The following NEXMIF variants were observed in gnomAD, a reference collection of about 807,000 sequenced individuals.
The protein encoded by NEXMIF is neurite extension and migration factor, also known as XLMR protein related to neurite extension.
NEXMIF carries 8 observed loss-of-function variants against 62.1 expected under a neutral mutation model. The observed-to-expected ratio is 0.13, with a 90% CI of 0.08 to 0.23. NEXMIF has a LOEUF of 0.23. NEXMIF is among the 10% of genes least tolerant of loss of function. NEXMIF has a pLI of 1.00. For synonymous variants in NEXMIF, 404 were observed against 416.6 expected (o/e 0.97, Z 0.37); for missense variants, 976 against 1,113.3 (o/e 0.88, Z 1.75).
chrX:74,866,248 T>C (rs1031099383), intron 1 of NEXMIF, among the ~76,000 whole-genome samples: 1 of 111,535 alleles, frequency 9.0e-6, no homozygotes, highest in African/African-American at 3.3e-5. Context: ...GGAGATCACA[T>C]TGGAACTTTA....
intron 1 of NEXMIF, among the ~76,000 whole-genome samples, chrX:74,914,828 A>G (rs1374400248): frequency 3.6e-5 from 4 of 112,457 alleles, no homozygotes; most frequent in African/African-American, 1.3e-4. Context: ...ATTGTGATAC[A>G]CTAATACCAT....
In NEXMIF at chrX:74,769,526, C is replaced by T; in HGVS notation, c.-47-23829G>A. ...AGAGAAATAAAGGCAAAGAGTCCTTCCAGTGCCACTTGAGCTCCGGAGCAC... is the reference window on the plus strand; with the variant it reads ...AGAGAAATAAAGGCAAAGAGTCCTTTCAGTGCCACTTGAGCTCCGGAGCAC... On this transcript the variant is annotated intron_variant, in intron 1 of 3. Transcript: ENST00000055682. 3 of 374,591 alleles carry T rather than the reference C, an allele frequency of 8.0e-6. No homozygotes were observed. In the South Asian group the frequency reaches 1.6e-4, roughly 20 times the overall value. The allele number at this position is 374,591 out of a possible 1,213,427, so 30.9% of individuals were successfully genotyped here.
intron 1 of NEXMIF, among the ~76,000 whole-genome samples, chrX:74,787,281 T>G (rs1312938204): frequency 1.7e-5 from 1 of 59,800 alleles, no homozygotes; most frequent in South Asian, 7.4e-4. Context: ...AGATTCCATC[T>G]CAAAAGAAAA....
intron 1 of NEXMIF, among the ~76,000 whole-genome samples, chrX:74,823,626 T>A (rs1001444741): frequency 1.8e-5 from 2 of 110,310 alleles, no homozygotes; most frequent in African/African-American, 3.3e-5. Context: ...GGGGACACTA[T>A]GTATTTGTTC....
Position 74,800,017 on chromosome X carries a change from TAGAA to T in NEXMIF, c.-47-54324_-47-54321del, listed in dbSNP as rs1170427428. Among the ~76,000 whole-genome samples, 3 of 110,580 alleles carry T rather than the reference TAGAA, an allele frequency of 2.7e-5. No individual in the cohort carries two copies. In the East Asian group the frequency reaches 8.5e-4, roughly 31 times the overall value. ...ACTAAATACAAGATCAATGAGAAAA[TAGAA>T]AGCCTAAACACCAATAAGACCTAAC... On this transcript the variant is annotated intron_variant, in intron 1 of 3. Transcript: ENST00000055682.
At chrX:74,922,394 T>G (rs1216493509) in intron 1 of NEXMIF, among the ~76,000 whole-genome samples, 2 of 111,687 alleles carry the variant, frequency 1.8e-5, no homozygotes, top group African/African-American at 3.3e-5. Flanking sequence ...GCATCAAAGA[T>G]TTATTCACTG....
intron 1 of NEXMIF, among the ~76,000 whole-genome samples, chrX:74,915,047 G>A: frequency 8.9e-6 from 1 of 112,009 alleles, no homozygotes; most frequent in South Asian, 3.7e-4. Context: ...AGGAGTGGGG[G>A]TGAATTACAA....
At chrX:74,855,649 G>A (rs1191937417) in intron 1 of NEXMIF, among the ~76,000 whole-genome samples, 1 of 112,090 alleles carries the variant, frequency 8.9e-6, no homozygotes, top group African/African-American at 3.2e-5. Context: ...TCCCACCTGT[G>A]ACTGACCCTG....
intron 1 of NEXMIF, among the ~76,000 whole-genome samples, chrX:74,880,394 AGAGGGAAG>A (rs1206385686): frequency 8.9e-6 from 1 of 111,758 alleles, no homozygotes; most frequent in African/African-American, 3.3e-5. Flanking sequence ...GCCTAAGAGA[AGAGGGAAG>A]GAGGAAACTG....
chrX:74,835,101 T>C (rs1419599025), intron 1 of NEXMIF, among the ~76,000 whole-genome samples: 1 of 112,380 alleles, frequency 8.9e-6, no homozygotes, highest in Non-Finnish European at 1.9e-5. Flanking sequence ...GATGCATTCA[T>C]TCTTCAGTAC....
intron 1 of NEXMIF, among the ~76,000 whole-genome samples, chrX:74,906,976 C>A (rs1255212346): frequency 3.6e-5 from 4 of 111,288 alleles, no homozygotes; most frequent in Non-Finnish European, 7.5e-5. Flanking sequence ...TTCCCCAGCC[C>A]TAATCTACAG....
chrX:74,821,989 G>T (rs907678537), intron 1 of NEXMIF, among the ~76,000 whole-genome samples: 9 of 111,863 alleles, frequency 8.0e-5, no homozygotes, highest in African/African-American at 2.9e-4. Flanking sequence ...TGGCTCAAGA[G>T]ATCCTTCCGC....
chrX:74,807,097 A>G (rs1394283941), intron 1 of NEXMIF, among the ~76,000 whole-genome samples: 1 of 112,149 alleles, frequency 8.9e-6, no homozygotes, highest in Non-Finnish European at 1.9e-5. Context: ...TGGGATTTTT[A>G]TTTGGATTGT....
chrX:74,769,649 A>C (rs1210984427), intron 1 of NEXMIF: 1 of 685,607 alleles, frequency 1.5e-6, no homozygotes, highest in African/African-American at 2.1e-5. Context: ...CGAACTTTGT[A>C]AGACGAACTC....
intron 1 of NEXMIF, among the ~76,000 whole-genome samples, chrX:74,772,168 T>C (rs2080212076): frequency 8.9e-6 from 1 of 112,115 alleles, no homozygotes; most frequent in African/African-American, 3.2e-5. Flanking sequence ...ACAGCCTATA[T>C]AGTGTCTGCA....
intron 1 of NEXMIF, among the ~76,000 whole-genome samples, chrX:74,861,071 C>A (rs1172593282): frequency 9.0e-6 from 1 of 111,549 alleles, no homozygotes; most frequent in South Asian, 3.7e-4. Flanking sequence ...ATGTCCTAAC[C>A]CAAAGCAAAG....
chrX:74,876,131 G>A (rs1306392022), intron 1 of NEXMIF, among the ~76,000 whole-genome samples: 1 of 110,722 alleles, frequency 9.0e-6, no homozygotes, highest in African/African-American at 3.3e-5. Context: ...GGCATTTAGT[G>A]CTATAAATTT....
At chrX:74,875,908 G>C (rs1602260555) in intron 1 of NEXMIF, among the ~76,000 whole-genome samples, 2 of 110,843 alleles carry the variant, frequency 1.8e-5, no homozygotes, top group East Asian at 2.8e-4. Flanking sequence ...AGTCTTGCTA[G>C]TGGTCTATCA....
In NEXMIF at chrX:74,738,746, C is replaced by T. The variant is rs781036552; in HGVS notation, c.*659G>A. The T allele has an allele frequency of 4.4e-4, 48 of 109,675 alleles. No individual in the cohort carries two copies. The highest frequency in any genetic ancestry group is 8.2e-4 in the Non-Finnish European group (43 of 52,544). 9.0% of individuals were successfully genotyped at this position (109,675 alleles called of 1,213,427 possible). A position where few individuals can be genotyped will look rare whatever the true frequency, so the allele number is the denominator to read the frequency against. ...AAATTTTAACCCTTACACAATGGAA[C>T]AAGAAAATCTTTATTTTGCCTTGTT... On this transcript the variant is annotated 3_prime_UTR_variant, in exon 4 of 4. Transcript: ENST00000055682.
Sources: gnomAD v4.1 joint callset for allele counts (sites outside exome capture counted in the v4.1 genomes callset) on GRCh38, gnomAD v4.1.1 for gene constraint, MANE v1.5 for transcripts, NCBI Gene and HGNC (gene_info 2026-07-23, HGNC 2026-07-21) for gene names.